PUDP: variants seen among roughly 807,000 people sequenced by gnomAD.
PUDP encodes pseudouridine-5'-phosphatase.
Under a neutral mutation model 9.4 loss-of-function variants are expected in PUDP, and 8 were observed. The observed-to-expected ratio is 0.85, with a 90% confidence interval of 0.50 to 1.53. The LOEUF (loss-of-function observed/expected upper bound fraction) is 1.53, where lower values mean the gene tolerates loss of function less well. PUDP is among the 40% of genes most tolerant of loss of function. The probability of loss-of-function intolerance (pLI) is 0.00; values close to 1 mark genes in which losing one functional copy is unlikely to be tolerated. For missense variants in PUDP, 188 were observed against 189.7 expected, an observed-to-expected ratio of 0.99 and a Z score of 0.05; for synonymous variants, 99 against 80.7, an observed-to-expected ratio of 1.23 and a Z score of -1.22.
chrX:7,002,839 C>G (rs933565035), intron 1 of PUDP, among the ~76,000 whole-genome samples: 3 of 110,111 alleles, frequency 2.7e-5, no homozygotes, highest in Admixed American at 1.9e-4. Context: ...GAACTATACG[C>G]ACCCAGTGGA....
intron 2 of PUDP, among the ~76,000 whole-genome samples, chrX:7,090,782 G>C (rs1931399539): frequency 9.0e-6 from 1 of 111,272 alleles, no homozygotes; most frequent in African/African-American, 3.3e-5. Flanking sequence ...ACAATGAAGA[G>C]GCTGGAGGCT....
At chrX:6,829,986 G>T (rs906654808) in intron 3 of PUDP, among the ~76,000 whole-genome samples, 1 of 110,463 alleles carries the variant, frequency 9.1e-6, no homozygotes, top group Non-Finnish European at 1.9e-5. Flanking sequence ...AAATAATCTA[G>T]TAATGGGATA....
intron 3 of PUDP, among the ~76,000 whole-genome samples, chrX:6,928,452 C>G (rs771224656): frequency 9.0e-6 from 1 of 111,446 alleles, no homozygotes. Context: ...TGAGCTCTAA[C>G]AGTAGGAATA....
intron 3 of PUDP, among the ~76,000 whole-genome samples, chrX:6,944,206 G>C (rs1928434408): frequency 9.1e-6 from 1 of 110,491 alleles, no homozygotes; most frequent in African/African-American, 3.3e-5. Context: ...TTTATAAATG[G>C]CACTTTCCCC....
chrX:7,041,278 C>T (rs1929918434), intron 1 of PUDP, among the ~76,000 whole-genome samples: 1 of 111,150 alleles, frequency 9.0e-6, no homozygotes, highest in South Asian at 3.8e-4. Context: ...GCTTCCTGGG[C>T]GGGGCCATAA....
At chrX:7,011,613 TC>T (rs1371007521) in intron 1 of PUDP, among the ~76,000 whole-genome samples, 2 of 111,841 alleles carry the variant, frequency 1.8e-5, no homozygotes, top group African/African-American at 6.5e-5. Context: ...GGACTTTCTA[TC>T]AGCATGAAGA....
chrX:6,999,781 G>A (rs1474391516), intron 1 of PUDP, among the ~76,000 whole-genome samples: 1 of 89,435 alleles, frequency 1.1e-5, no homozygotes, highest in African/African-American at 4.0e-5. Flanking sequence ...AATAGCCTAT[G>A]AAAATAAAAA....
intron 3 of PUDP, among the ~76,000 whole-genome samples, chrX:7,061,758 GGTAGCA>G (rs749531089): frequency 9.0e-6 from 1 of 111,695 alleles, no homozygotes; most frequent in South Asian, 3.8e-4. Flanking sequence ...CACTATTCCA[GGTAGCA>G]GTCTTTAAAT....
In PUDP at chrX:6,899,266, T is replaced by C. The variant is rs780724203; in HGVS notation, c.*247+77867A>G. Among the ~76,000 whole-genome samples the C allele has an allele frequency of 4.9e-4, 55 of 112,750 alleles. 1 individual carries two copies. The highest frequency in any genetic ancestry group is 9.7e-4 in the Non-Finnish European group (52 of 53,373). Reference sequence around the variant, plus strand: ...CTTTGTTTTCCTGTCTATACAATCATCATCATAATACATACTTGGTAAGAT... The same window carrying C: ...CTTTGTTTTCCTGTCTATACAATCACCATCATAATACATACTTGGTAAGAT... On this transcript the variant is annotated intron_variant and NMD_transcript_variant, in intron 3 of 3. Coordinates refer to the PUDP transcript ENST00000655425.
At chrX:6,986,671 T>C (rs960111480) in intron 1 of PUDP, among the ~76,000 whole-genome samples, 6 of 111,664 alleles carry the variant, frequency 5.4e-5, no homozygotes, top group African/African-American at 9.8e-5. Context: ...CATGAACCTT[T>C]GATTTTTGCT....
At chrX:6,775,791 T>C (rs1214261442) in intron 3 of PUDP, among the ~76,000 whole-genome samples, 2 of 111,288 alleles carry the variant, frequency 1.8e-5, no homozygotes, top group Non-Finnish European at 3.8e-5. Flanking sequence ...TCTTCCACCA[T>C]GTGCCTTCTC....
At chrX:7,015,812 A>C (rs1457933266) in intron 1 of PUDP, among the ~76,000 whole-genome samples, 1 of 110,466 alleles carries the variant, frequency 9.1e-6, no homozygotes, top group Non-Finnish European at 1.9e-5. Context: ...CCTGGGCTCA[A>C]GCAATCCTCC....
rs1237087517 is a variant in PUDP at position 7,118,375 on chromosome X, T to C, written c.62-12537A>G. On this transcript the variant is annotated intron_variant, in intron 1 of 3. Transcript: ENST00000381077. ...CAAAAACACAAAATATATTCCTCTC[T>C]TTTAGGTTTTCTGCAATCTCCATCC... Among the ~76,000 whole-genome samples the C allele has an allele frequency of 2.7e-5, 3 of 112,097 alleles. No individual in the cohort carries two copies. The Admixed American group carries it at 2.8e-4, about 11-fold the overall frequency.
chrX:6,735,524 A>G (rs1178992298), intron 3 of PUDP, among the ~76,000 whole-genome samples: 2 of 112,525 alleles, frequency 1.8e-5, no homozygotes, highest in Admixed American at 9.4e-5. Flanking sequence ...CTTATTTTAC[A>G]TAAGTATCAC....
intron 3 of PUDP, among the ~76,000 whole-genome samples, chrX:6,914,162 G>A (rs1195077294): frequency 2.0e-5 from 1 of 49,157 alleles, no homozygotes; most frequent in Non-Finnish European, 3.3e-5. Flanking sequence ...GAGAGACCCC[G>A]TCTCAAAAAA....
chrX:6,942,064 G>A (rs1928407362), intron 3 of PUDP, among the ~76,000 whole-genome samples: 1 of 111,048 alleles, frequency 9.0e-6, no homozygotes, highest in South Asian at 3.8e-4. Flanking sequence ...GCAGGAGGAG[G>A]GAGGCGAGGG....
intron 3 of PUDP, among the ~76,000 whole-genome samples, chrX:6,867,261 C>T (rs1927100692): frequency 8.9e-6 from 1 of 112,071 alleles, no homozygotes; most frequent in South Asian, 3.7e-4. Flanking sequence ...CTGCTGTATC[C>T]TTGTTGTTTT....
chrX:6,895,354 T>C (rs1216377243), intron 3 of PUDP, among the ~76,000 whole-genome samples: 2 of 104,286 alleles, frequency 1.9e-5, no homozygotes, highest in African/African-American at 6.8e-5. Context: ...CTATAATATC[T>C]AATATTTTTA....
intron 3 of PUDP, among the ~76,000 whole-genome samples, chrX:6,750,799 C>G (rs138202598): frequency 7.6e-4 from 85 of 111,935 alleles, no homozygotes; most frequent in African/African-American, 2.7e-3. Context: ...AAGATGATCT[C>G]TGAACACTGG....
Sources: gnomAD v4.1 joint callset for allele counts (sites outside exome capture counted in the v4.1 genomes callset) on GRCh38, gnomAD v4.1.1 for gene constraint, MANE v1.5 for transcripts, NCBI Gene and HGNC (gene_info 2026-07-23, HGNC 2026-07-21) for gene names.